DCDC1: variants seen among roughly 807,000 people sequenced by gnomAD.
DCDC1 encodes the protein doublecortin domain-containing protein 1.
A neutral mutation model predicts 178.3 loss-of-function variants in DCDC1; 200 were observed. The observed-to-expected ratio is 1.12, with a 90% confidence interval of 1.00 to 1.26. The LOEUF is 1.26. Ranked by LOEUF, DCDC1 falls within the 50% of genes most tolerant of loss-of-function variation. DCDC1 has a pLI of 0.00. For missense variants in DCDC1, 1,983 were observed against 1,749.2 expected, an observed-to-expected ratio of 1.13 and a Z score of -2.38; for synonymous variants, 690 against 604.8, an observed-to-expected ratio of 1.14 and a Z score of -2.07.
At chr11:31,212,794 C>T (rs1177307917) in intron 9 of DCDC1, among the ~76,000 whole-genome samples, 1 of 152,016 alleles carries the variant, frequency 6.6e-6, no homozygotes, top group Non-Finnish European at 1.5e-5. Flanking sequence ...TTTAGGAGTT[C>T]ATATTCAGTA....
At chr11:31,264,212 T>C (rs936207056) in intron 8 of DCDC1, among the ~76,000 whole-genome samples, 3 of 152,172 alleles carry the variant, frequency 2.0e-5, no homozygotes, top group Non-Finnish European at 4.4e-5. Context: ...CCCTCTTTTA[T>C]GTTACATTGT....
intron 9 of DCDC1, among the ~76,000 whole-genome samples, chr11:31,225,371 GA>G (rs1031931091): frequency 4.1e-5 from 6 of 148,128 alleles, no homozygotes; most frequent in Non-Finnish European, 7.5e-5. Context: ...GGACATGGGG[GA>G]AAGTTGGGGG....
intron 8 of DCDC1, among the ~76,000 whole-genome samples, chr11:31,252,118 A>G (rs1944080940): frequency 1.3e-5 from 2 of 152,188 alleles, no homozygotes; most frequent in African/African-American, 4.8e-5. Context: ...TAAATAAACA[A>G]CCATATTCTT....
intron 20 of DCDC1, among the ~76,000 whole-genome samples, chr11:30,985,396 T>G (rs1950589546): frequency 6.6e-6 from 1 of 152,206 alleles, no homozygotes; most frequent in Non-Finnish European, 1.5e-5. Context: ...ATGATAATCA[T>G]GTTAAAACAC....
intron 21 of DCDC1, chr11:30,943,502 C>T (rs1254192258): frequency 1.2e-5 from 4 of 345,084 alleles, no homozygotes; most frequent in South Asian, 2.4e-5. Context: ...TCCAACAGCT[C>T]ATTCCAAAAT....
chr11:31,354,997 T>C (rs1464368808), intron 1 of DCDC1, among the ~76,000 whole-genome samples: 1 of 150,134 alleles, frequency 6.7e-6, no homozygotes, highest in African/African-American at 2.4e-5. Context: ...GGTGTTGCAC[T>C]GGGACAACAG....
intron 20 of DCDC1, among the ~76,000 whole-genome samples, chr11:31,040,220 A>C (rs1300744582): frequency 6.6e-6 from 1 of 152,188 alleles, no homozygotes; most frequent in Admixed American, 6.5e-5. Context: ...TATAAATACT[A>C]AGTGTCTTAC....
At chr11:30,900,945 A>G (rs1180155030) in intron 32 of DCDC1, among the ~76,000 whole-genome samples, 1 of 152,146 alleles carries the variant, frequency 6.6e-6, no homozygotes, top group African/African-American at 2.4e-5. Context: ...TAGAAGAAAT[A>G]GTGTTTGGTC....
At chr11:31,275,146 T>C (rs1165159818) in intron 7 of DCDC1, among the ~76,000 whole-genome samples, 5 of 152,178 alleles carry the variant, frequency 3.3e-5, no homozygotes, top group African/African-American at 1.2e-4. Context: ...AGAGTTAATA[T>C]ATATTATTTC....
chr11:31,286,268 T>C (rs1946825839), intron 7 of DCDC1, among the ~76,000 whole-genome samples: 1 of 152,016 alleles, frequency 6.6e-6, no homozygotes, highest in South Asian at 2.1e-4. Context: ...TGGACCACAC[T>C]TTGAAAAAAA....
At chr11:30,893,374 T>A (rs1943947798) in intron 35 of DCDC1, among the ~76,000 whole-genome samples, 1 of 152,212 alleles carries the variant, frequency 6.6e-6, no homozygotes, top group Non-Finnish European at 1.5e-5. Context: ...ATCACATCAT[T>A]TCCTCTAACC....
At chr11:31,183,860 C>A (rs768169417) in intron 9 of DCDC1, among the ~76,000 whole-genome samples, 1 of 152,112 alleles carries the variant, frequency 6.6e-6, no homozygotes, top group Non-Finnish European at 1.5e-5. Context: ...GGCCATACTG[C>A]CCAAAGTAAT....
chr11:30,967,569 G>T (rs1410865102), intron 20 of DCDC1, among the ~76,000 whole-genome samples: 1 of 152,238 alleles, frequency 6.6e-6, no homozygotes, highest in South Asian at 2.1e-4. Context: ...CAAGGTAAAG[G>T]CTCCTGGGGC....
chr11:31,328,285 A>T lies in DCDC1; in HGVS notation c.-5T>A. The T allele has an allele frequency of 1.3e-6, 2 of 1,554,150 alleles. No individual in the cohort carries two copies. Among genetic ancestry groups the T allele is most frequent in the Non-Finnish European group, 1.7e-6 (2 of 1,146,890 alleles). ...TTCTGCTCCTGTTTTTGCCATTTTC[A>T]GCTAAAAATGATAAAGAATGTTATT... On this transcript the variant is annotated splice_region_variant and 5_prime_UTR_variant, in exon 3 of 39. Coordinates refer to ENST00000684477, the MANE Select transcript of DCDC1 (RefSeq NM_001387274.1).
intron 9 of DCDC1, among the ~76,000 whole-genome samples, chr11:31,141,018 G>A (rs936725715): frequency 3.3e-5 from 5 of 152,094 alleles, no homozygotes; most frequent in Non-Finnish European, 5.9e-5. Context: ...GGCTCAGGAA[G>A]CTCTCTTATG....
intron 8 of DCDC1, among the ~76,000 whole-genome samples, chr11:31,251,027 A>ATAGGT (rs1943996151): frequency 6.6e-6 from 1 of 152,144 alleles, no homozygotes; most frequent in Admixed American, 6.6e-5. Context: ...TGCTGGGATT[A>ATAGGT]TAGGTGTGAG....
intron 18 of DCDC1, among the ~76,000 whole-genome samples, chr11:31,068,486 T>G (rs1158122164): frequency 6.6e-6 from 1 of 152,160 alleles, no homozygotes; most frequent in Non-Finnish European, 1.5e-5. Flanking sequence ...TAGATGTGGA[T>G]GTCAGTATGA....
intron 23 of DCDC1, among the ~76,000 whole-genome samples, chr11:30,924,846 G>A (rs1253139291): frequency 6.6e-6 from 1 of 152,126 alleles, no homozygotes. Flanking sequence ...GCTGAGGCAG[G>A]TGGATCACCT....
intron 20 of DCDC1, among the ~76,000 whole-genome samples, chr11:31,040,483 T>C (rs1397632670): frequency 2.0e-5 from 3 of 152,168 alleles, no homozygotes; most frequent in East Asian, 3.9e-4. Flanking sequence ...GAAGACTAGA[T>C]TTAGCTTCTG....
Sources: allele counts gnomAD v4.1 joint callset (sites outside exome capture counted in the v4.1 genomes callset), GRCh38; gene constraint gnomAD v4.1.1; transcripts MANE v1.5; gene names NCBI Gene and HGNC (gene_info 2026-07-23, HGNC 2026-07-21).